The following MROH2A variants were observed in gnomAD, a reference collection of about 807,000 sequenced individuals.
The protein encoded by MROH2A is maestro heat like repeat family member 2A, also known as maestro heat-like repeat-containing protein family member 2A.
In MROH2A, 174 loss-of-function variants were observed where a neutral mutation model predicts 200.4. That is an observed-to-expected ratio of 0.87 (90% CI 0.77 to 0.98). The LOEUF (loss-of-function observed/expected upper bound fraction) is 0.98, where lower values mean the gene tolerates loss of function less well. Among genes scored for constraint, MROH2A ranks in the 50% least tolerant of loss-of-function variants. MROH2A has a pLI of 0.00. For synonymous variants in MROH2A, 829 were observed against 840.4 expected (o/e 0.99, Z 0.23); for missense variants, 2,045 against 2,139.6 (o/e 0.96, Z 0.87).
chr2:233,800,113 A>G (rs752267856), intron 13 of MROH2A, 92 bp from the exon 14 acceptor site: 9 of 1,089,930 alleles, frequency 8.3e-6, no homozygotes, highest in Non-Finnish European at 1.2e-5. Context: ...GTATCTGGGC[A>G]TGGAGCCCCT....
At chr2:233,788,063 T>TATTTTA (rs1559437860) in intron 3 of MROH2A, among the ~76,000 whole-genome samples, 2 of 44,410 alleles carry the variant, frequency 4.5e-5, no homozygotes, top group Admixed American at 3.8e-4. Flanking sequence ...TATACATATA[T>TATTTTA]TATATATATA....
Position 233,788,273 on chromosome 2 carries a change from T to G in MROH2A, c.277-1224T>G, listed in dbSNP as rs566580312. Among the ~76,000 whole-genome samples the G allele has an allele frequency of 4.5e-3, 615 of 135,466 alleles. 9 individuals carry two copies. Among genetic ancestry groups the G allele is most frequent in the African/African-American group, 0.016 (585 of 35,656 alleles). The allele number at this position is 135,466 out of a possible 152,430, so 88.9% of individuals were successfully genotyped here. On this transcript the variant is annotated intron_variant, in intron 3 of 41. Coordinates refer to ENST00000389758, the MANE Select transcript of MROH2A (RefSeq NM_001394639.1). Reference sequence around the variant, plus strand: ...TAAATGTCCTTGGGAGTAATAATAATAATAATAATAATAATAATAATAATA... The same window carrying G: ...TAAATGTCCTTGGGAGTAATAATAAGAATAATAATAATAATAATAATAATA...
intron 1 of MROH2A, 35 bp from the exon 2 acceptor site, chr2:233,779,310 A>C: frequency 7.4e-7 from 1 of 1,357,706 alleles, no homozygotes; most frequent in African/African-American, 1.4e-5. Context: ...TGTGTGTCAC[A>C]CCCCGTATTT....
intron 11 of MROH2A, among the ~76,000 whole-genome samples, chr2:233,797,706 G>T (rs1320510135): frequency 6.6e-6 from 1 of 152,066 alleles, no homozygotes; most frequent in South Asian, 2.1e-4. Flanking sequence ...AGGGAAATTA[G>T]TATTTGCCCT....
At chr2:233,798,303 C>T (rs1319555136) in intron 11 of MROH2A, among the ~76,000 whole-genome samples, 1 of 152,232 alleles carries the variant, frequency 6.6e-6, no homozygotes, top group Non-Finnish European at 1.5e-5. Flanking sequence ...CCACACTTTA[C>T]AGGCGAGGAA....
chr2:233,791,134 G>A (rs1264359903), intron 5 of MROH2A, among the ~76,000 whole-genome samples: 1 of 152,168 alleles, frequency 6.6e-6, no homozygotes, highest in Non-Finnish European at 1.5e-5. Flanking sequence ...AGAGATGAGG[G>A]GGAGCGTCAG....
At chr2:233,783,792 G>A (rs187292737) in intron 3 of MROH2A, among the ~76,000 whole-genome samples, 34 of 152,164 alleles carry the variant, frequency 2.2e-4, no homozygotes, top group East Asian at 7.7e-4. Context: ...TGCCCACTTC[G>A]GCCGCCCAAA....
chr2:233,832,517 A>G, intron 40 of MROH2A, 62 bp from the exon 41 acceptor site: 1 of 1,291,694 alleles, frequency 7.7e-7, no homozygotes, highest in Non-Finnish European at 1.1e-6. Flanking sequence ...AGTAAACCAC[A>G]GGACGACTTG....
Position 233,828,611 on chromosome 2 carries a change from C to G in MROH2A, c.4114-19C>G. ...ATGAGCCCGCCCTGGGGATAACTGC[C>G]CAATGTCCTCCCTTCCAGTTCATGA... On this transcript the variant is annotated intron_variant, in intron 35 of 41. Coordinates refer to ENST00000389758, the MANE Select transcript of MROH2A (RefSeq NM_001394639.1). This position sits in a 1 kb window ranked among gnomAD's most constrained non-coding sequence, Gnocchi z 4.6. 1 of 1,549,364 alleles carries G rather than the reference C, an allele frequency of 6.5e-7. No homozygotes were observed. The highest frequency in any genetic ancestry group is 1.4e-5 in the African/African-American group (1 of 73,126).
Position 233,822,270 on chromosome 2 carries a change from T to A in MROH2A, c.3659T>A (p.Val1220Glu). 6.5e-7 allele frequency: 1 copy of A among 1,547,596 alleles called. No individual in the cohort carries two copies. The highest frequency in any genetic ancestry group is 8.7e-7 in the Non-Finnish European group (1 of 1,146,958). The stretch of plus-strand genomic sequence containing the variant: ...GCTGACATCTGGCGCCTGGCTGCGG[T>A]GGACCCCCTGATGGTGAGTTGCAGG... The part of the protein sequence containing the change: ...SKADIWRLAA[V>E]DPLMTLCTIH... The change falls in exon 32 of 42, where the codon GTG (valine) becomes GAG (glutamate). Residue 1220 changes from valine (V) to glutamate (E), a missense_variant. By Grantham distance (121) the Val-to-Glu change is moderately radical. This residue lies in a region of MROH2A where 1,201 missense variants were observed against 1,311.3 expected (regional missense o/e 0.92). Transcript: ENST00000389758.
In MROH2A at chr2:233,828,898, G is replaced by A. The variant is rs949443767; in HGVS notation, c.4272G>A (p.Gln1424=). Residue 1424 remains glutamine, a synonymous_variant, in exon 37 of 42, where the codon CAG becomes CAA. Transcript: ENST00000389758. This position sits in a 1 kb window ranked among gnomAD's most constrained non-coding sequence, Gnocchi z 4.6. The stretch of plus-strand genomic sequence containing the variant: ...TGCCCATGCCCCTCCAGGTGAAGCA[G>A]TACCGGAAGGTCTTGCTGGAGAAGT... ...MALGAPKKVK[Q]YRKVLLEKCL... The A allele has an allele frequency of 3.2e-6, 5 of 1,550,364 alleles. No individual in the cohort carries two copies. The African/African-American group carries it at 5.5e-5, about 17-fold the overall frequency.
chr2:233,814,670 T>C lies in MROH2A; in HGVS notation c.2849T>C (p.Met950Thr). Residue 950 changes from methionine (M) to threonine (T), a missense_variant, in exon 26 of 42, where the codon ATG becomes ACG. By Grantham distance (81) the Met-to-Thr change is moderately conservative. This residue lies in a region of MROH2A where 1,201 missense variants were observed against 1,311.3 expected (regional missense o/e 0.92). Transcript: ENST00000389758. The part of the protein sequence containing the change: ...RQLDPKGLQE[M>T]VQLLEKWILS... ...CTGGACCCCAAGGGGCTGCAGGAGATGGTGCAGGTGAGTTGCCTGGTGGCG... is the reference window on the plus strand; with the variant it reads ...CTGGACCCCAAGGGGCTGCAGGAGACGGTGCAGGTGAGTTGCCTGGTGGCG... The C allele has an allele frequency of 6.5e-7, 1 of 1,549,484 alleles. No homozygotes were observed. Among genetic ancestry groups the C allele is most frequent in the Non-Finnish European group, 8.7e-7 (1 of 1,146,380 alleles).
intron 11 of MROH2A, among the ~76,000 whole-genome samples, 165 bp downstream of exon 11, chr2:233,796,478 A>G (rs1702120693): frequency 6.6e-6 from 1 of 151,992 alleles, no homozygotes; most frequent in African/African-American, 2.4e-5. Context: ...TCTAAGCTTT[A>G]ACCTAATCAG....
intron 19 of MROH2A, among the ~76,000 whole-genome samples, chr2:233,805,482 C>T (rs1702734075): frequency 6.6e-6 from 1 of 152,186 alleles, no homozygotes; most frequent in South Asian, 2.1e-4. Flanking sequence ...TGATACTCTC[C>T]AAATTTATCT....
intron 38 of MROH2A, 68 bp from the exon 39 acceptor site, chr2:233,831,341 C>T (rs920769263): frequency 1.8e-5 from 27 of 1,464,668 alleles, no homozygotes; most frequent in Middle Eastern, 1.8e-4. Context: ...GGCTTCCTGC[C>T]AGCCTCACCC....
chr2:233,823,364 A>G (rs998339690), intron 34 of MROH2A, among the ~76,000 whole-genome samples, 192 bp from the exon 35 acceptor site: 1 of 152,216 alleles, frequency 6.6e-6, no homozygotes, highest in Admixed American at 6.5e-5. Flanking sequence ...GGAGATAGAC[A>G]TTGACTGATT....
At chr2:233,831,281 C>A in intron 38 of MROH2A, 128 bp from the exon 39 acceptor site, 17 of 1,237,320 alleles carry the variant, frequency 1.4e-5, no homozygotes, top group Non-Finnish European at 1.8e-5. Context: ...CCAGGAGCCA[C>A]CAGCCCTGCC....
Position 233,820,132 on chromosome 2 carries a change from C to T in MROH2A, c.3512+76C>T, listed in dbSNP as rs1428754627. 2 of 1,343,614 alleles carry T rather than the reference C, an allele frequency of 1.5e-6. No individual in the cohort carries two copies. The highest frequency in any genetic ancestry group is 5.7e-5 in the Admixed American group (2 of 35,386). 83.2% of individuals were successfully genotyped at this position (1,343,614 alleles called of 1,614,324 possible). On this transcript the variant is annotated intron_variant, in intron 31 of 41. Coordinates refer to ENST00000389758, the MANE Select transcript of MROH2A (RefSeq NM_001394639.1). This position sits in a 1 kb window ranked among gnomAD's most constrained non-coding sequence, Gnocchi z 4.1. ...CCCAACTCACCACCCCGATGTGTCCCAGAAGCCTGGAGCCTTGGGCAGTAC... is the reference window on the plus strand; with the variant it reads ...CCCAACTCACCACCCCGATGTGTCCTAGAAGCCTGGAGCCTTGGGCAGTAC...
chr2:233,806,335 CT>C (rs553684765), intron 19 of MROH2A, among the ~76,000 whole-genome samples: 8 of 152,252 alleles, frequency 5.3e-5, no homozygotes, highest in African/African-American at 1.9e-4. Flanking sequence ...GCTTCTACTA[CT>C]TCCTGTTTGT....
Sources: allele counts gnomAD v4.1 joint callset (sites outside exome capture counted in the v4.1 genomes callset), GRCh38; gene constraint gnomAD v4.1.1; regional missense constraint gnomAD v4.1.1; non-coding constraint Gnocchi (gnomAD v3.1); transcripts MANE v1.5; gene names NCBI Gene and HGNC (gene_info 2026-07-23, HGNC 2026-07-21).